Variants in GOLGA4 observed in about 807,000 individuals in gnomAD.
GOLGA4 encodes the protein golgin subfamily A member 4.
Under a neutral mutation model 265.9 loss-of-function variants are expected in GOLGA4, and 169 were observed. The observed-to-expected ratio is 0.64, with a 90% confidence interval of 0.56 to 0.72. The LOEUF is 0.72. GOLGA4 is among the 30% of genes least tolerant of loss of function. GOLGA4 has a pLI of 0.00. For missense variants in GOLGA4, 2,482 were observed against 2,483.4 expected, an observed-to-expected ratio of 1.00 and a Z score of 0.01; for synonymous variants, 923 against 855.8, an observed-to-expected ratio of 1.08 and a Z score of -1.37.
At chr3:37,354,154 T>C (rs1206737157) in intron 21 of GOLGA4, among the ~76,000 whole-genome samples, 1 of 152,080 alleles carries the variant, frequency 6.6e-6, no homozygotes, top group African/African-American at 2.4e-5. Flanking sequence ...CCAAAATTTT[T>C]GGTTAACTAT....
chr3:37,276,380 A>G, intron 2 of GOLGA4: 1 of 1,607,142 alleles, frequency 6.2e-7, no homozygotes, highest in Admixed American at 1.7e-5. Flanking sequence ...GGAAATGGCT[A>G]GTGATGAGCT....
At chr3:37,351,260 A>G (rs755576203) in intron 21 of GOLGA4, among the ~76,000 whole-genome samples, 4 of 152,136 alleles carry the variant, frequency 2.6e-5, no homozygotes, top group Non-Finnish European at 5.9e-5. Flanking sequence ...CTCATCCATT[A>G]AAGTTTTATC....
Position 37,324,470 on chromosome 3 carries a change from C to T in GOLGA4, c.2584C>T (p.Gln862Ter). 1 of 1,614,136 alleles carries T rather than the reference C, an allele frequency of 6.2e-7. No homozygotes were observed. The highest frequency in any genetic ancestry group is 8.5e-7 in the Non-Finnish European group (1 of 1,180,006). ...VCTELDAHKI[Q>*]VQDLMQQLEK... Reference sequence around the variant, plus strand: ...TACTGAGTTAGATGCTCACAAAATCCAGGTGCAGGACTTAATGCAGCAACT... The same window carrying T: ...TACTGAGTTAGATGCTCACAAAATCTAGGTGCAGGACTTAATGCAGCAACT... The change falls in exon 14 of 24, where the codon CAG becomes TAG. Residue 862 changes from glutamine (Q) to a stop codon, truncating the protein, a stop_gained. Coordinates refer to ENST00000361924, the MANE Select transcript of GOLGA4 (RefSeq NM_002078.5). LOFTEE classifies it high-confidence loss of function.
chr3:37,329,005 A>G lies in GOLGA4; in HGVS notation c.6104A>G (p.Gln2035Arg). 3 of 1,610,706 alleles carry G rather than the reference A, an allele frequency of 1.9e-6. No homozygotes were observed. The highest frequency in any genetic ancestry group is 2.5e-6 in the Non-Finnish European group (3 of 1,178,362). ...GAGGCTGAACTTTTAGAAAGCCATC[A>G]AGAAGAGACAAATCAGTTACTTAAA... ...EVEAELLESH[Q>R]EETNQLLKKI... Residue 2035 changes from glutamine to arginine, a missense_variant, in exon 16 of 24, where the codon CAA becomes CGA. This residue lies in a region of GOLGA4 where 942 missense variants were observed against 983.1 expected (regional missense o/e 0.96). Transcript: ENST00000361924.
At chr3:37,363,721 A>C (rs541340794) in intron 23 of GOLGA4, among the ~76,000 whole-genome samples, 14 of 152,360 alleles carry the variant, frequency 9.2e-5, no homozygotes, top group African/African-American at 2.9e-4. Flanking sequence ...ATTAGCTAAT[A>C]CTAATATATA....
At position 37,287,338 on chromosome 3, in the gene GOLGA4, C is replaced by T. The variant is rs2096852376; in HGVS notation, c.525+1277C>T. Among the ~76,000 whole-genome samples, 5 of 152,248 alleles carry T rather than the reference C, an allele frequency of 3.3e-5. No homozygotes were observed. The South Asian group carries it at 1.0e-3, about 32-fold the overall frequency. ...CCTGGGTGACAGAGCAAGACTCCGT[C>T]TCAAAAAAGAAAAGATAAAATTCAA... On this transcript the variant is annotated intron_variant, in intron 4 of 23. Transcript: ENST00000361924.
rs769747671 is a variant in GOLGA4 at position 37,361,255 on chromosome 3, C to T, written c.6676C>T (p.Arg2226Cys). 9 of 1,612,592 alleles carry T rather than the reference C, an allele frequency of 5.6e-6. No individual in the cohort carries two copies. Among genetic ancestry groups the T allele is most frequent in the Admixed American group, 1.7e-5 (1 of 60,022 alleles). ...CCTGGCTTTGTAGTTTACTTCACCTCGCAGTGGTATCTTCTGAGTAAACCA... is the reference window on the plus strand; with the variant it reads ...CCTGGCTTTGTAGTTTACTTCACCTTGCAGTGGTATCTTCTGAGTAAACCA... Reference protein sequence around the residue: ...EDARLMFTSPRSGIF With the variant: ...EDARLMFTSPCSGIF The change falls in exon 23 of 24, where the codon CGC (arginine) becomes TGC (cysteine). Residue 2226 changes from arginine (R) to cysteine (C), a missense_variant. Transcript: ENST00000361924.
chr3:37,273,077 C>T (rs2096803252), intron 2 of GOLGA4, among the ~76,000 whole-genome samples: 1 of 152,172 alleles, frequency 6.6e-6, no homozygotes, highest in Non-Finnish European at 1.5e-5. Context: ...ATGAATGAGA[C>T]ATTACCGTTT....
chr3:37,342,996 T>A (rs574808323), intron 20 of GOLGA4, among the ~76,000 whole-genome samples: 4 of 152,176 alleles, frequency 2.6e-5, no homozygotes, highest in Non-Finnish European at 4.4e-5. Context: ...ACTTCCTGGG[T>A]TCAAGCGATT....
intron 1 of GOLGA4, among the ~76,000 whole-genome samples, chr3:37,248,798 A>G (rs1178443605): frequency 6.6e-6 from 1 of 152,198 alleles, no homozygotes. Flanking sequence ...GCCAAGGTGT[A>G]AGACGTAATG....
chr3:37,337,534 G>A lies in GOLGA4; in HGVS notation c.6328-132G>A, dbSNP rs575764176. ...TTCTTTGAATTTGTCTGAAAGTCAT[G>A]CATTTTAGGGGTATTCAGTGTTATA... On this transcript the variant is annotated intron_variant, in intron 18 of 23. Transcript: ENST00000361924. 8.5e-5 allele frequency: 55 copies of A among 646,624 alleles called. No individual in the cohort carries two copies. In the African/African-American group the frequency reaches 9.0e-4, roughly 11 times the overall value. 40.1% of individuals were successfully genotyped at this position (646,624 alleles called of 1,614,324 possible).
intron 10 of GOLGA4, among the ~76,000 whole-genome samples, chr3:37,310,570 C>G (rs1195227522): frequency 1.3e-5 from 2 of 152,080 alleles, no homozygotes; most frequent in Non-Finnish European, 2.9e-5. Context: ...GAGCATTTGT[C>G]CATTTTTATA....
rs115857508 is a variant in GOLGA4 at position 37,350,237 on chromosome 3, T to C, written c.6576+2941T>C. 5.8e-3 allele frequency among the ~76,000 whole-genome samples: 888 copies of C among 152,288 alleles called. 6 individuals are homozygous for C. The highest frequency in any genetic ancestry group is 9.9e-3 in the Non-Finnish European group (671 of 68,002). ...GTGGCAAAGAGCCTGGGCTTCTCCA[T>C]TAAAGTGTTTTCTGGCAAGCCAGGG... is the stretch of plus-strand genomic sequence containing the variant. On this transcript the variant is annotated intron_variant, in intron 21 of 23. Coordinates refer to ENST00000361924, the MANE Select transcript of GOLGA4 (RefSeq NM_002078.5).
intron 2 of GOLGA4, among the ~76,000 whole-genome samples, chr3:37,258,530 GT>G (rs11348090): frequency 0.014 from 2,103 of 152,184 alleles, 47 homozygotes; most frequent in African/African-American, 0.049. Flanking sequence ...GTTTCACCAT[GT>G]TGGCCACGCT....
At chr3:37,253,548 A>G (rs990667077) in intron 2 of GOLGA4, among the ~76,000 whole-genome samples, 19 of 152,148 alleles carry the variant, frequency 1.2e-4, no homozygotes, top group African/African-American at 4.1e-4. Context: ...ATCCGAAACC[A>G]TCTCTTAGCT....
intron 6 of GOLGA4, 72 bp from the exon 7 acceptor site, chr3:37,296,015 G>A (rs1158982241): frequency 7.3e-7 from 1 of 1,366,818 alleles, no homozygotes; most frequent in Admixed American, 1.7e-5. Context: ...ATCCCCCACA[G>A]ATACCAAGGG....
At chr3:37,275,250 A>G (rs4296549) in intron 2 of GOLGA4, among the ~76,000 whole-genome samples, 1 of 148,992 alleles carries the variant, frequency 6.7e-6, no homozygotes, top group Admixed American at 6.7e-5. Flanking sequence ...AAGAAAAAAA[A>G]AACCCCAAAA....
At chr3:37,265,552 T>C (rs1001513945) in intron 2 of GOLGA4, among the ~76,000 whole-genome samples, 4 of 152,202 alleles carry the variant, frequency 2.6e-5, no homozygotes, top group African/African-American at 9.7e-5. Context: ...AAGCCCACTT[T>C]ACTGAGGTAT....
intron 4 of GOLGA4, among the ~76,000 whole-genome samples, chr3:37,288,156 C>T (rs1159410105): frequency 7.2e-6 from 1 of 139,208 alleles, no homozygotes; most frequent in Non-Finnish European, 1.5e-5. Context: ...AGCTAGACTG[C>T]AGTGGTGCGA....
Sources: allele counts gnomAD v4.1 joint callset (sites outside exome capture counted in the v4.1 genomes callset), GRCh38; gene constraint gnomAD v4.1.1; regional missense constraint gnomAD v4.1.1; transcripts MANE v1.5; gene names NCBI Gene and HGNC (gene_info 2026-07-23, HGNC 2026-07-21).